Variants in HDAC9 observed in about 807,000 individuals in gnomAD.
HDAC9 encodes MEF-2 interacting transcription repressor (MITR) protein.
HDAC9 carries 41 observed loss-of-function variants against 139.4 expected under a neutral mutation model. That is an observed-to-expected ratio of 0.29 (90% CI 0.23 to 0.38). HDAC9 has a LOEUF of 0.38. Among genes scored for constraint, HDAC9 ranks in the 10% least tolerant of loss-of-function variants. The pLI is 1.00. For missense variants in HDAC9, 1,147 were observed against 1,297.0 expected (o/e 0.88, Z 1.78); for synonymous variants, 517 against 476.2 (o/e 1.09, Z -1.12).
intron 12 of HDAC9, among the ~76,000 whole-genome samples, chr7:18,710,117 G>T (rs535883246): frequency 6.6e-6 from 1 of 152,142 alleles, no homozygotes; most frequent in Admixed American, 6.6e-5. Flanking sequence ...CATGTGCAGG[G>T]GAACTGCGCT....
At chr7:18,233,022 A>G (rs960523032) in intron 2 of HDAC9, among the ~76,000 whole-genome samples, 4 of 152,132 alleles carry the variant, frequency 2.6e-5, no homozygotes, top group Non-Finnish European at 5.9e-5. Context: ...AATTTTGTCT[A>G]TAAGTATAAA....
chr7:18,693,236 A>G (rs1475607521), intron 12 of HDAC9, among the ~76,000 whole-genome samples: 3 of 152,108 alleles, frequency 2.0e-5, no homozygotes, highest in Non-Finnish European at 2.9e-5. Flanking sequence ...AGGAGAGATA[A>G]CCAAACCAAA....
At chr7:18,389,072 G>A (rs146557586) in intron 1 of HDAC9, among the ~76,000 whole-genome samples, 1 of 152,166 alleles carries the variant, frequency 6.6e-6, no homozygotes, top group Non-Finnish European at 1.5e-5. Context: ...ATTGCCTTTC[G>A]AATAGCTGTA....
chr7:18,838,380 G>A (rs1796373038), intron 21 of HDAC9, among the ~76,000 whole-genome samples: 1 of 152,032 alleles, frequency 6.6e-6, no homozygotes, highest in Non-Finnish European at 1.5e-5. Flanking sequence ...AAAGATGAGT[G>A]GGAACTTTCA....
intron 1 of HDAC9, among the ~76,000 whole-genome samples, chr7:18,401,125 G>A (rs1787500344): frequency 6.6e-6 from 1 of 152,118 alleles, no homozygotes; most frequent in African/African-American, 2.4e-5. Flanking sequence ...CATGTCAAAG[G>A]TTTTCTCTTT....
At chr7:18,312,210 C>T (rs1799362651) in intron 1 of HDAC9, among the ~76,000 whole-genome samples, 2 of 152,218 alleles carry the variant, frequency 1.3e-5, no homozygotes, top group Admixed American at 6.5e-5. Context: ...TGAGCAGGCA[C>T]AAAATGCAAA....
chr7:18,856,263 A>G (rs1183435766), intron 21 of HDAC9, among the ~76,000 whole-genome samples: 2 of 152,176 alleles, frequency 1.3e-5, no homozygotes, highest in Non-Finnish European at 2.9e-5. Context: ...TAAAATAAGA[A>G]TCTATTCTTA....
intron 22 of HDAC9, among the ~76,000 whole-genome samples, chr7:18,894,353 C>T (rs906134429): frequency 1.3e-5 from 2 of 152,032 alleles, no homozygotes; most frequent in Non-Finnish European, 2.9e-5. Context: ...TGAGGGGGAG[C>T]CATATGAAGC....
Position 18,644,736 on chromosome 7 carries a change from C to T in HDAC9, c.978C>T (p.Thr326=), listed in dbSNP as rs374584491. 9 of 1,611,890 alleles carry T rather than the reference C, an allele frequency of 5.6e-6. No individual in the cohort carries two copies. Among genetic ancestry groups the T allele is most frequent in the Non-Finnish European group, 6.8e-6 (8 of 1,178,866 alleles). ...EDSMNLLSLY[T]SPSLPNITLG... is the part of the protein sequence containing the mutation. ...CCATGAACCTGCTAAGTCTTTATACCTCTCCTTCTTTGCCCAACATTACCT... is the reference window on the plus strand; with the variant it reads ...CCATGAACCTGCTAAGTCTTTATACTTCTCCTTCTTTGCCCAACATTACCT... Residue 326 remains threonine, a synonymous_variant, in exon 9 of 26, where the codon ACC becomes ACT. Coordinates refer to ENST00000686413, the MANE Select transcript of HDAC9 (RefSeq NM_178425.4).
chr7:18,485,712 A>C (rs1258720054), intron 1 of HDAC9, among the ~76,000 whole-genome samples: 1 of 152,068 alleles, frequency 6.6e-6, no homozygotes, highest in Non-Finnish European at 1.5e-5. Flanking sequence ...TACTGTTTCT[A>C]AATATTGAAG....
At chr7:18,323,105 G>T (rs903655025) in intron 1 of HDAC9, among the ~76,000 whole-genome samples, 6 of 152,094 alleles carry the variant, frequency 3.9e-5, no homozygotes, top group African/African-American at 1.4e-4. Context: ...CTTTCTTAAG[G>T]CCTCCTCATG....
At chr7:18,824,044 G>GGAAGAAGAA (rs1554367872) in intron 17 of HDAC9, among the ~76,000 whole-genome samples, 2,844 of 67,078 alleles carry the variant, frequency 0.042, 105 homozygotes, top group Admixed American at 0.081. Context: ...AAGAGGAAGA[G>GGAAGAAGAA]GAAGAAGAAG....
At chr7:18,734,190 A>G (rs1366673067) in intron 13 of HDAC9, among the ~76,000 whole-genome samples, 1 of 152,084 alleles carries the variant, frequency 6.6e-6, no homozygotes, top group Non-Finnish European at 1.5e-5. Flanking sequence ...AATATATCAA[A>G]ACTTTTCATC....
chr7:18,837,240 G>A (rs990809196), intron 21 of HDAC9, among the ~76,000 whole-genome samples: 2 of 151,652 alleles, frequency 1.3e-5, no homozygotes, highest in Non-Finnish European at 2.9e-5. Flanking sequence ...CCACAATGTT[G>A]TAGAAAAAAA....
At chr7:18,941,376 G>A (rs1782017776) in intron 23 of HDAC9, among the ~76,000 whole-genome samples, 1 of 152,068 alleles carries the variant, frequency 6.6e-6, no homozygotes, top group Admixed American at 6.6e-5. Flanking sequence ...TTTTAAAGAT[G>A]ACGTTTTGCT....
chr7:18,949,012 T>A, intron 23 of HDAC9: 1 of 409,790 alleles, frequency 2.4e-6, no homozygotes, highest in South Asian at 1.9e-5. Context: ...GAGAACCACC[T>A]TTTTGTGTAC....
intron 12 of HDAC9, among the ~76,000 whole-genome samples, chr7:18,717,362 C>T (rs1784779610): frequency 6.6e-6 from 1 of 151,998 alleles, no homozygotes; most frequent in Non-Finnish European, 1.5e-5. Flanking sequence ...GTTAAAGATA[C>T]CCTCTACCTT....
At chr7:18,994,272 C>A (rs1038631080) in intron 25 of HDAC9, among the ~76,000 whole-genome samples, 1 of 152,144 alleles carries the variant, frequency 6.6e-6, no homozygotes, top group Non-Finnish European at 1.5e-5. Context: ...TTAGAATATC[C>A]AGTTTGAGTT....
At chr7:18,143,792 C>CAAAAAAAAAAA (rs71014311) in intron 1 of HDAC9, among the ~76,000 whole-genome samples, 9 of 122,554 alleles carry the variant, frequency 7.3e-5, no homozygotes, top group African/African-American at 2.6e-4. Flanking sequence ...GACTCCATCT[C>CAAAAAAAAAAA]AAAAAAAAAA....
Sources: allele counts gnomAD v4.1 joint callset (sites outside exome capture counted in the v4.1 genomes callset), GRCh38; gene constraint gnomAD v4.1.1; transcripts MANE v1.5; gene names NCBI Gene and HGNC (gene_info 2026-07-23, HGNC 2026-07-21).